The following PLA2G4A variants were observed in gnomAD, a reference collection of about 807,000 sequenced individuals.
The protein encoded by PLA2G4A is cytosolic phospholipase A2.
In PLA2G4A, 40 loss-of-function variants were observed where a neutral mutation model predicts 81.9. The observed-to-expected ratio is 0.49, with a 90% CI of 0.38 to 0.64. The LOEUF (loss-of-function observed/expected upper bound fraction) is 0.64. Ranked by LOEUF, PLA2G4A falls within the 30% of genes least tolerant of loss-of-function variation. PLA2G4A has a pLI of 0.00. For missense variants in PLA2G4A, 715 were observed against 905.1 expected (o/e 0.79, Z 2.69); for synonymous variants, 302 against 296.9 (o/e 1.02, Z -0.18).
At chr1:186,862,695 A>G (rs1475415250) in intron 2 of PLA2G4A, among the ~76,000 whole-genome samples, 1 of 152,196 alleles carries the variant, frequency 6.6e-6, no homozygotes, top group African/African-American at 2.4e-5. Context: ...GACATCTTAG[A>G]TCTTCATGAA....
intron 2 of PLA2G4A, among the ~76,000 whole-genome samples, chr1:186,855,208 G>T (rs1470120737): frequency 6.6e-6 from 1 of 151,766 alleles, no homozygotes; most frequent in Non-Finnish European, 1.5e-5. Flanking sequence ...TTCACAAAAA[G>T]GTCTAATTAA....
intron 7 of PLA2G4A, among the ~76,000 whole-genome samples, chr1:186,930,999 C>T (rs991631884): frequency 1.3e-5 from 2 of 151,524 alleles, no homozygotes; most frequent in African/African-American, 4.9e-5. Context: ...ATTCAAATCC[C>T]TCCTCTTCAT....
chr1:186,932,801 C>T lies in PLA2G4A; in HGVS notation c.597C>T (p.Phe199=), dbSNP rs2102203926. 6.2e-7 allele frequency: 1 copy of T among 1,613,542 alleles called. No individual in the cohort carries two copies. Among genetic ancestry groups the T allele is most frequent in the East Asian group, 2.2e-5 (1 of 44,868 alleles). ...VVAILGSGGG[F]RAMVGFSGVM... Reference sequence around the variant, plus strand: ...CCATATTGGGTTCAGGTGGGGGTTTCCGAGCCATGGTGGGATTCTCTGGTG... The same window carrying T: ...CCATATTGGGTTCAGGTGGGGGTTTTCGAGCCATGGTGGGATTCTCTGGTG... Residue 199 remains phenylalanine, a synonymous_variant, in exon 8 of 18, where the codon TTC becomes TTT. Transcript: ENST00000367466.
At chr1:186,959,938 G>A (rs557661719) in intron 14 of PLA2G4A, among the ~76,000 whole-genome samples, 2 of 151,860 alleles carry the variant, frequency 1.3e-5, no homozygotes, top group African/African-American at 4.8e-5. Flanking sequence ...TATTAGGTTG[G>A]AAAAATGTTA....
At chr1:186,926,906 C>G (rs985422478) in intron 7 of PLA2G4A, among the ~76,000 whole-genome samples, 1 of 152,164 alleles carries the variant, frequency 6.6e-6, no homozygotes, top group Admixed American at 6.5e-5. Flanking sequence ...TGGCATAACA[C>G]TCGTGGTCAA....
chr1:186,840,359 G>T (rs1651937072), intron 1 of PLA2G4A, among the ~76,000 whole-genome samples: 1 of 152,026 alleles, frequency 6.6e-6, no homozygotes. Flanking sequence ...TTTCAAAAGT[G>T]AATTGCCATC....
chr1:186,830,974 CTTTCTTTCTTTCTTTCTT>C (rs1558339294), intron 1 of PLA2G4A, among the ~76,000 whole-genome samples: 17 of 137,146 alleles, frequency 1.2e-4, no homozygotes, highest in South Asian at 2.3e-4. Context: ...TTCTTTCTTT[CTTTCTTTCTTTCTTTCTT>C]TCTTTCTTTC....
chr1:186,918,863 G>A (rs1655242064), intron 7 of PLA2G4A, among the ~76,000 whole-genome samples: 1 of 152,208 alleles, frequency 6.6e-6, no homozygotes, highest in Non-Finnish European at 1.5e-5. Context: ...ACCACAGCAT[G>A]GGGGGCCTTT....
At chr1:186,844,536 G>A (rs183847231) in intron 1 of PLA2G4A, among the ~76,000 whole-genome samples, 31 of 152,226 alleles carry the variant, frequency 2.0e-4, no homozygotes, top group Admixed American at 1.8e-3. Flanking sequence ...AATGTTAATG[G>A]ATCAAAAAAT....
intron 3 of PLA2G4A, among the ~76,000 whole-genome samples, chr1:186,886,378 A>G (rs974303009): frequency 6.6e-6 from 1 of 152,160 alleles, no homozygotes; most frequent in Admixed American, 6.6e-5. Flanking sequence ...TTGGTTACAC[A>G]GGGAAAAAGA....
chr1:186,952,907 T>A (rs1347937552), intron 13 of PLA2G4A, among the ~76,000 whole-genome samples: 1 of 152,194 alleles, frequency 6.6e-6, no homozygotes, highest in Non-Finnish European at 1.5e-5. Flanking sequence ...TGAATAATAT[T>A]ACATTGTCAG....
chr1:186,944,891 C>T (rs7514702), intron 10 of PLA2G4A, among the ~76,000 whole-genome samples: 44,647 of 151,850 alleles, frequency 0.29, 8,658 homozygotes, highest in African/African-American at 0.54. Flanking sequence ...ATAAGAGCCC[C>T]CACTAACATT....
intron 12 of PLA2G4A, 29 bp downstream of exon 12, chr1:186,946,990 C>A (rs763952313): frequency 3.4e-6 from 4 of 1,181,348 alleles, no homozygotes; most frequent in Non-Finnish European, 5.1e-6. Flanking sequence ...TACATTGATA[C>A]AAATCTTGCT....
intron 8 of PLA2G4A, among the ~76,000 whole-genome samples, chr1:186,936,246 A>G (rs1016345764): frequency 1.3e-5 from 2 of 152,120 alleles, no homozygotes; most frequent in East Asian, 3.9e-4. Context: ...GTTTAACAGT[A>G]CAAAAAATTC....
chr1:186,955,127 G>C (rs6675898), intron 13 of PLA2G4A, among the ~76,000 whole-genome samples: 27,855 of 152,072 alleles, frequency 0.18, 4,515 homozygotes, highest in African/African-American at 0.44. Context: ...AGGAGTAATG[G>C]TGTATGCATA....
In PLA2G4A at chr1:186,869,643, C is replaced by T. The variant is rs1216527683; in HGVS notation, c.34-792C>T. The stretch of plus-strand genomic sequence containing the variant: ...GAGCCTCTTTTTAATCAATTATGAA[C>T]TTTTCAACCAGTTAAGCAAGCCTAC... On this transcript the variant is annotated intron_variant, in intron 2 of 17. Transcript: ENST00000367466. Among the ~76,000 whole-genome samples the T allele has an allele frequency of 3.3e-5, 5 of 152,244 alleles. No individual in the cohort carries two copies. In the East Asian group the frequency reaches 7.7e-4, roughly 24 times the overall value.
Position 186,890,761 on chromosome 1 carries a change from C to T in PLA2G4A, c.116-2250C>T, listed in dbSNP as rs573851733. Among the ~76,000 whole-genome samples the T allele has an allele frequency of 3.0e-4, 45 of 149,692 alleles. No homozygotes were observed. The South Asian group carries it at 9.0e-3, about 30-fold the overall frequency. The stretch of plus-strand genomic sequence containing the variant: ...CCCAGCTACTCTGGAGGCTGAGGCA[C>T]GAAAATTGCTTGAACCAGGAGGCCG... On this transcript the variant is annotated intron_variant, in intron 3 of 17. Transcript: ENST00000367466.
intron 7 of PLA2G4A, among the ~76,000 whole-genome samples, chr1:186,919,584 AAC>A (rs561529899): frequency 2.0e-5 from 3 of 152,220 alleles, no homozygotes; most frequent in South Asian, 2.1e-4. Flanking sequence ...GGCCTCCCTG[AAC>A]ATAGTAGGGG....
At chr1:186,914,221 C>G (rs982843267) in intron 7 of PLA2G4A, among the ~76,000 whole-genome samples, 19 of 152,052 alleles carry the variant, frequency 1.2e-4, no homozygotes, top group African/African-American at 4.3e-4. Flanking sequence ...TCCTAAGTAG[C>G]CAGGACTATG....
Sources: gnomAD v4.1 joint callset for allele counts (sites outside exome capture counted in the v4.1 genomes callset) on GRCh38, gnomAD v4.1.1 for gene constraint, MANE v1.5 for transcripts, NCBI Gene and HGNC (gene_info 2026-07-23, HGNC 2026-07-21) for gene names.